MYO5A: variants seen among roughly 807,000 people sequenced by gnomAD.
MYO5A encodes the protein myosin VA.
MYO5A carries 98 observed loss-of-function variants against 249.7 expected under a neutral mutation model. The observed-to-expected ratio is 0.39, with a 90% confidence interval of 0.33 to 0.46. MYO5A has a LOEUF of 0.46. MYO5A is among the 20% of genes least tolerant of loss of function. The pLI is 0.98. For synonymous variants in MYO5A, 778 were observed against 810.6 expected, an observed-to-expected ratio of 0.96 and a Z score of 0.68; for missense variants, 1,696 against 2,308.8, an observed-to-expected ratio of 0.73 and a Z score of 5.44.
At position 52,309,409 on chromosome 15, in the gene MYO5A, C is replaced by T. The variant is rs899064603; in HGVS notation, c.*4287G>A. ...TCGGTTCCCACATGCCAGCTGCCAACTCTGATAAAAAAGCACCCCTTGCTG... is the reference window on the plus strand; with the variant it reads ...TCGGTTCCCACATGCCAGCTGCCAATTCTGATAAAAAAGCACCCCTTGCTG... On this transcript the variant is annotated 3_prime_UTR_variant, in exon 42 of 42. Coordinates refer to ENST00000399233, the MANE Select transcript of MYO5A (RefSeq NM_001382347.1). The T allele has an allele frequency of 6.6e-6, 1 of 152,250 alleles. No individual in the cohort carries two copies. Among genetic ancestry groups the T allele is most frequent in the African/African-American group, 2.4e-5 (1 of 41,454 alleles). The allele number at this position is 152,250 out of a possible 1,614,324, so 9.4% of individuals were successfully genotyped here. A position where few individuals can be genotyped will look rare whatever the true frequency, so the allele number is the denominator to read the frequency against.
At chr15:52,393,664 A>AT (rs2042359786) in intron 11 of MYO5A, among the ~76,000 whole-genome samples, 1 of 152,198 alleles carries the variant, frequency 6.6e-6, no homozygotes, top group Non-Finnish European at 1.5e-5. Flanking sequence ...AAGTGCCGGA[A>AT]TTACAGGCGT....
rs765670562 is a variant in MYO5A, at chr15:52,309,987, ATATAG to A, written c.*3704_*3708del. ...CAATCACTGCACTGAAATTATAATA[ATATAG>A]TATTTTCATAGCCTCCCCTAACATG... On this transcript the variant is annotated 3_prime_UTR_variant, in exon 42 of 42. Transcript: ENST00000399233. The A allele has an allele frequency of 6.6e-6, 1 of 152,168 alleles. No individual in the cohort carries two copies. Among genetic ancestry groups the A allele is most frequent in the Non-Finnish European group, 1.5e-5 (1 of 68,028 alleles). The allele number at this position is 152,168 out of a possible 1,614,324, so 9.4% of individuals were successfully genotyped here. A position where few individuals can be genotyped will look rare whatever the true frequency, so the allele number is the denominator to read the frequency against.
At chr15:52,486,141 G>C (rs764952698) in intron 1 of MYO5A, among the ~76,000 whole-genome samples, 2 of 152,102 alleles carry the variant, frequency 1.3e-5, no homozygotes, top group African/African-American at 4.8e-5. Context: ...TACAAGCGAG[G>C]TTCTGCGTTA....
chr15:52,448,295 A>C (rs1179185345), intron 1 of MYO5A, among the ~76,000 whole-genome samples: 1 of 152,198 alleles, frequency 6.6e-6, no homozygotes, highest in African/African-American at 2.4e-5. Context: ...CTGGGATTTA[A>C]TGACTGTCCT....
At chr15:52,500,933 T>C (rs2077142533) in intron 1 of MYO5A, among the ~76,000 whole-genome samples, 1 of 151,884 alleles carries the variant, frequency 6.6e-6, no homozygotes. Context: ...ATAAAATATA[T>C]TTAAATATTG....
intron 1 of MYO5A, among the ~76,000 whole-genome samples, chr15:52,497,637 G>C (rs2077065679): frequency 6.7e-6 from 1 of 150,230 alleles, no homozygotes; most frequent in Non-Finnish European, 1.5e-5. Flanking sequence ...TGCACCTGTA[G>C]TCCCAGCTAC....
intron 1 of MYO5A, among the ~76,000 whole-genome samples, chr15:52,449,979 G>A (rs968341662): frequency 2.0e-5 from 3 of 152,064 alleles, no homozygotes; most frequent in African/African-American, 7.2e-5. Flanking sequence ...TCTAGCCTGA[G>A]CGACAGGGCT....
At chr15:52,385,846 C>G (rs1393307797) in intron 14 of MYO5A, among the ~76,000 whole-genome samples, 1 of 152,118 alleles carries the variant, frequency 6.6e-6, no homozygotes, top group Non-Finnish European at 1.5e-5. Context: ...AGGAAGCCTC[C>G]AAGCTATGTT....
intron 1 of MYO5A, among the ~76,000 whole-genome samples, chr15:52,508,976 ATTTTT>A (rs113511621): frequency 6.9e-6 from 1 of 145,284 alleles, no homozygotes; most frequent in South Asian, 2.2e-4. Flanking sequence ...TTTTTTTGTA[ATTTTT>A]TTTTTTTTGA....
At chr15:52,511,257 A>G (rs1271263912) in intron 1 of MYO5A, among the ~76,000 whole-genome samples, 1 of 152,216 alleles carries the variant, frequency 6.6e-6, no homozygotes, top group African/African-American at 2.4e-5. Context: ...TCAGTTGTAA[A>G]CTCATTATGA....
intron 1 of MYO5A, among the ~76,000 whole-genome samples, chr15:52,446,674 C>A (rs914038391): frequency 5.9e-5 from 9 of 152,162 alleles, no homozygotes; most frequent in Non-Finnish European, 2.9e-5. Flanking sequence ...AACTCCAACC[C>A]ATAAGAACAG....
chr15:52,476,722 C>A (rs1369014841), intron 1 of MYO5A, among the ~76,000 whole-genome samples: 1 of 152,138 alleles, frequency 6.6e-6, no homozygotes, highest in African/African-American at 2.4e-5. Context: ...ATATTGGTCC[C>A]CACTCTCTTC....
chr15:52,465,917 AAGGT>A (rs1269340120), intron 1 of MYO5A, among the ~76,000 whole-genome samples: 1 of 152,152 alleles, frequency 6.6e-6, no homozygotes, highest in Non-Finnish European at 1.5e-5. Context: ...GAGAAGAAGG[AAGGT>A]AGGTAGCCCG....
chr15:52,494,347 T>TTCC (rs1484346348), intron 1 of MYO5A, among the ~76,000 whole-genome samples: 1 of 151,936 alleles, frequency 6.6e-6, no homozygotes, highest in Non-Finnish European at 1.5e-5. Flanking sequence ...GGACCAAGGG[T>TTCC]CTTCTTGGTT....
intron 1 of MYO5A, among the ~76,000 whole-genome samples, chr15:52,469,654 T>C (rs2076419722): frequency 6.6e-6 from 1 of 152,218 alleles, no homozygotes; most frequent in South Asian, 2.1e-4. Context: ...AATGTTTCTA[T>C]AAGGGTACCA....
intron 1 of MYO5A, among the ~76,000 whole-genome samples, chr15:52,471,863 G>A (rs1376529139): frequency 1.3e-5 from 2 of 151,452 alleles, no homozygotes; most frequent in South Asian, 2.1e-4. Flanking sequence ...CATGCGTGGC[G>A]AATTTTTTAA....
intron 5 of MYO5A, among the ~76,000 whole-genome samples, chr15:52,410,741 C>A (rs913855566): frequency 2.6e-5 from 4 of 152,070 alleles, no homozygotes; most frequent in African/African-American, 9.7e-5. Context: ...CCACGCCCAG[C>A]TAATTTTTGT....
intron 1 of MYO5A, among the ~76,000 whole-genome samples, chr15:52,515,075 C>G (rs2077469271): frequency 6.6e-6 from 1 of 152,024 alleles, no homozygotes; most frequent in African/African-American, 2.4e-5. Flanking sequence ...CCCAGGAGTT[C>G]AAGACCAGCC....
At chr15:52,314,759 AGTT>A (rs2037916019) in intron 40 of MYO5A, among the ~76,000 whole-genome samples, 1 of 152,176 alleles carries the variant, frequency 6.6e-6, no homozygotes, top group African/African-American at 2.4e-5. Context: ...GAGAGTATGA[AGTT>A]CTTTTTTAAA....
Sources: gnomAD v4.1 joint callset for allele counts (sites outside exome capture counted in the v4.1 genomes callset) on GRCh38, gnomAD v4.1.1 for gene constraint, MANE v1.5 for transcripts, NCBI Gene and HGNC (gene_info 2026-07-23, HGNC 2026-07-21) for gene names.